The following ADAT2 variants were observed in gnomAD, a reference collection of about 807,000 sequenced individuals.
ADAT2 encodes tRNA-specific adenosine-34 deaminase catalytic subunit ADAT2.
Under a neutral mutation model 25.9 loss-of-function variants are expected in ADAT2, and 26 were observed. The ratio of observed to expected loss-of-function variants is 1.00; its 90% CI spans 0.74 to 1.39. ADAT2 has a LOEUF of 1.39. ADAT2 is among the 40% of genes most tolerant of loss of function. ADAT2 has a pLI of 0.00. For missense variants in ADAT2, 220 were observed against 244.8 expected (o/e 0.90, Z 0.68); for synonymous variants, 76 against 86.8 (o/e 0.88, Z 0.69).
chr6:143,450,593 G>A lies in ADAT2; in HGVS notation c.66C>T (p.Thr22=), dbSNP rs1206064518. 3.1e-6 allele frequency: 5 copies of A among 1,614,014 alleles called. No individual in the cohort carries two copies. In the South Asian group the frequency reaches 4.4e-5, roughly 14 times the overall value. Residue 22 remains threonine, a synonymous_variant, in exon 1 of 6, where the codon ACC becomes ACT. Coordinates refer to ENST00000237283, the MANE Select transcript of ADAT2 (RefSeq NM_182503.3). The part of the protein sequence containing the change: ...SGACSVSAEE[T]EKWMEEAMHM... ...GCATCGCCTCCTCCATCCACTTTTC[G>A]GTCTCCTCTGCCGACACCGAGCACG...
rs531125802 is a variant in ADAT2, at chr6:143,435,968, T to C, written c.202-1987A>G. Among the ~76,000 whole-genome samples, 19 of 152,272 alleles carry C rather than the reference T, an allele frequency of 1.2e-4. No individual in the cohort carries two copies. In the South Asian group the frequency reaches 3.7e-3, roughly 30 times the overall value. ...TATATGGGAATGACTACCCTGGCAG[T>C]TATAATACTTCTCAGTGTTATAATG... On this transcript the variant is annotated intron_variant, in intron 2 of 5. Transcript: ENST00000237283.
At chr6:143,450,485 G>A (rs1779729920) in intron 1 of ADAT2, 78 bp downstream of exon 1, 11 of 1,476,482 alleles carry the variant, frequency 7.5e-6, no homozygotes, top group South Asian at 6.9e-5. Context: ...GAGAAAGAAC[G>A]TTTGCTCAAA....
chr6:143,432,473 A>C lies in ADAT2; in HGVS notation c.459+32T>G, dbSNP rs750780649. On this transcript the variant is annotated intron_variant, in intron 4 of 5. Transcript: ENST00000237283. The surrounding 1 kb of genome is among the most constrained non-coding windows in gnomAD (Gnocchi z 4.4). The stretch of plus-strand genomic sequence containing the variant: ...CCATAAAGAGATGAAAATAATTAGC[A>C]AGAAAGAAAAAGCATAAGCAGTTTG... The C allele has an allele frequency of 2.7e-5, 42 of 1,577,432 alleles. No individual in the cohort carries two copies. Among genetic ancestry groups the C allele is most frequent in the Non-Finnish European group, 3.5e-5 (40 of 1,146,954 alleles).
intron 2 of ADAT2, 116 bp downstream of exon 2, chr6:143,438,474 A>T (rs755237571): frequency 3.3e-6 from 2 of 611,548 alleles, no homozygotes; most frequent in Non-Finnish European, 5.5e-6. Flanking sequence ...AAAGCTACCC[A>T]CCACTGGCAG....
At chr6:143,438,045 A>G (rs181701155) in intron 2 of ADAT2, among the ~76,000 whole-genome samples, 16 of 152,296 alleles carry the variant, frequency 1.1e-4, no homozygotes, top group African/African-American at 3.8e-4. Flanking sequence ...TGAAGACCCT[A>G]TTTTGTTGAA....
intron 1 of ADAT2, among the ~76,000 whole-genome samples, chr6:143,445,301 T>C (rs1452294171): frequency 1.3e-5 from 2 of 152,008 alleles, no homozygotes; most frequent in African/African-American, 4.8e-5. Flanking sequence ...AATCCCCTTT[T>C]AGACACTGAT....
rs200062558 is a variant in ADAT2 at position 143,428,488 on chromosome 6, C to T, written c.551G>A (p.Arg184Gln). 1.7e-5 allele frequency: 28 copies of T among 1,613,738 alleles called. No individual in the cohort carries two copies. The highest frequency in any genetic ancestry group is 1.2e-4 in the South Asian group (11 of 91,032). ...TCAAGATTTCTGACATTCCTTTTTC[C>T]GAACTTTCGATTTTGGTGCTGTGAA... is the stretch of plus-strand genomic sequence containing the variant. The part of the protein sequence containing the change: ...ENPNAPKSKV[R>Q]KKECQKS Residue 184 changes from arginine to glutamine, a missense_variant, in exon 6 of 6, where the codon CGG becomes CAG. By Grantham distance (43) the Arg-to-Gln change is conservative. Coordinates refer to ENST00000237283, the MANE Select transcript of ADAT2 (RefSeq NM_182503.3). This position sits in a 1 kb window ranked among gnomAD's most constrained non-coding sequence, Gnocchi z 5.0.
chr6:143,441,884 A>G (rs570164872), intron 1 of ADAT2: 32 of 152,374 alleles, frequency 2.1e-4, no homozygotes, highest in African/African-American at 7.7e-4. Flanking sequence ...GACTAAAGTG[A>G]AACGTAAAAA....
chr6:143,438,626 T>C lies in ADAT2; in HGVS notation c.165A>G (p.Val55=), dbSNP rs1174653116. 35 of 1,613,344 alleles carry C rather than the reference T, an allele frequency of 2.2e-5. No homozygotes were observed. Among genetic ancestry groups the C allele is most frequent in the Non-Finnish European group, 2.8e-5 (33 of 1,179,486 alleles). Residue 55 remains valine (V), a synonymous_variant, in exon 2 of 6, where the codon GTA becomes GTG. Transcript: ENST00000237283. ...GGTTAACTTCATTTCTCCCCTTCCC[T>C]ACAACTTCATTGTTGTAGACCATAA... The part of the protein sequence containing the change: ...GCLMVYNNEV[V]GKGRNEVNQT...
In ADAT2 at chr6:143,446,145, G is replaced by T. The variant is rs768005661; in HGVS notation, c.96+4418C>A. Among the ~76,000 whole-genome samples, 165 of 150,502 alleles carry T rather than the reference G, an allele frequency of 1.1e-3. No individual in the cohort carries two copies. The highest frequency in any genetic ancestry group is 1.6e-3 in the Non-Finnish European group (106 of 67,842). ...ATAATCCCTGTTATTCTGAAGCAAC[G>T]GGGGTTTTTTCTGTTTTTTCCTATG... is the stretch of plus-strand genomic sequence containing the variant. On this transcript the variant is annotated intron_variant, in intron 1 of 5. Transcript: ENST00000237283. This position sits in a 1 kb window ranked among gnomAD's most constrained non-coding sequence, Gnocchi z 5.0.
At chr6:143,430,344 C>T (rs1240481866) in intron 4 of ADAT2, among the ~76,000 whole-genome samples, 1 of 152,150 alleles carries the variant, frequency 6.6e-6, no homozygotes, top group Non-Finnish European at 1.5e-5. Context: ...GCACTGTTGG[C>T]CCCCTGCCTT....
At chr6:143,430,507 A>G (rs1779075161) in intron 4 of ADAT2, among the ~76,000 whole-genome samples, 1 of 152,190 alleles carries the variant, frequency 6.6e-6, no homozygotes, top group African/African-American at 2.4e-5. Flanking sequence ...TATTATTTAC[A>G]TTTTCAAGTA....
rs1025839346 is a variant in ADAT2 at position 143,432,251 on chromosome 6, C to A, written c.459+254G>T. 1.3e-5 allele frequency among the ~76,000 whole-genome samples: 2 copies of A among 151,956 alleles called. No individual in the cohort carries two copies. The highest frequency in any genetic ancestry group is 2.9e-5 in the Non-Finnish European group (2 of 67,994). On this transcript the variant is annotated intron_variant, in intron 4 of 5. Coordinates refer to ENST00000237283, the MANE Select transcript of ADAT2 (RefSeq NM_182503.3). The surrounding 1 kb of genome is among the most constrained non-coding windows in gnomAD (Gnocchi z 4.4). ...CCTAACGGTGTTGGTGAAGAGTGTTCGGAGTCAGCTGCGAAGGGTGGACTC... is the reference window on the plus strand; with the variant it reads ...CCTAACGGTGTTGGTGAAGAGTGTTAGGAGTCAGCTGCGAAGGGTGGACTC...
At position 143,423,252 on chromosome 6, in the gene ADAT2, G is replaced by T. The variant is rs966061984; in HGVS notation, c.*5211C>A. The stretch of plus-strand genomic sequence containing the variant: ...CACACGAGCAGCCACAGACAACACA[G>T]AAACAAATGGGCATGGCTGTCATCC... On this transcript the variant is annotated 3_prime_UTR_variant, in exon 6 of 6. Coordinates refer to ENST00000237283, the MANE Select transcript of ADAT2 (RefSeq NM_182503.3). The T allele has an allele frequency of 6.6e-6, 1 of 152,234 alleles. No homozygotes were observed. Among genetic ancestry groups the T allele is most frequent in the South Asian group, 2.1e-4 (1 of 4,834 alleles). 9.4% of individuals were successfully genotyped at this position (152,234 alleles called of 1,614,324 possible). A position where few individuals can be genotyped will look rare whatever the true frequency, so the allele number is the denominator to read the frequency against.
intron 1 of ADAT2, among the ~76,000 whole-genome samples, chr6:143,447,108 A>T (rs1016043341): frequency 1.3e-5 from 2 of 152,206 alleles, no homozygotes; most frequent in African/African-American, 4.8e-5. Context: ...TATCCAACAG[A>T]TCCTTTTGTA....
Position 143,425,733 on chromosome 6 carries a change from TTGTGTGTGTGTGTG to T in ADAT2, c.*2716_*2729del, listed in dbSNP as rs71714792. 0.027 allele frequency: 3,643 copies of T among 136,594 alleles called. 121 individuals are homozygous for T. The highest frequency in any genetic ancestry group is 0.11 in the Admixed American group (1,560 of 13,570). 8.5% of individuals were successfully genotyped at this position (136,594 alleles called of 1,614,324 possible). On this transcript the variant is annotated 3_prime_UTR_variant, in exon 6 of 6. Coordinates refer to ENST00000237283, the MANE Select transcript of ADAT2 (RefSeq NM_182503.3). ...GGTAAAGGGCCATGGTGTGTTGTGT[TTGTGTGTGTGTGTG>T]TGTGTGTGTGTGTGTGTGTGTGTGT...
At chr6:143,441,873 T>C (rs967283475) in intron 1 of ADAT2, 11 of 152,200 alleles carry the variant, frequency 7.2e-5, no homozygotes, top group Admixed American at 6.5e-4. Context: ...CCCATCAGCA[T>C]GACTAAAGTG....
rs1212498944 is a variant in ADAT2, at chr6:143,423,176, G to A, written c.*5287C>T. ...AAGGGCCAGACGCTAAATATTTTAG[G>A]CCTTTGTGAGTCGCATGGTTTGTCA... On this transcript the variant is annotated 3_prime_UTR_variant, in exon 6 of 6. Coordinates refer to ENST00000237283, the MANE Select transcript of ADAT2 (RefSeq NM_182503.3). The A allele has an allele frequency of 1.3e-5, 2 of 152,138 alleles. No individual in the cohort carries two copies. Among genetic ancestry groups the A allele is most frequent in the African/African-American group, 4.8e-5 (2 of 41,436 alleles). The allele number at this position is 152,138 out of a possible 1,614,324, so 9.4% of individuals were successfully genotyped here.
intron 1 of ADAT2, among the ~76,000 whole-genome samples, chr6:143,447,207 A>T (rs1171612005): frequency 6.6e-6 from 1 of 152,230 alleles, no homozygotes; most frequent in Non-Finnish European, 1.5e-5. Flanking sequence ...TGGCTAATAC[A>T]ACTGAGGAGC....
Sources: gnomAD v4.1 joint callset for allele counts (sites outside exome capture counted in the v4.1 genomes callset) on GRCh38, gnomAD v4.1.1 for gene constraint, Gnocchi (gnomAD v3.1) non-coding constraint, MANE v1.5 for transcripts, NCBI Gene and HGNC (gene_info 2026-07-23, HGNC 2026-07-21) for gene names.